Variants in IL12RB1 observed in about 807,000 individuals in gnomAD.
The protein encoded by IL12RB1 is interleukin-12 receptor subunit beta-1.
In IL12RB1, 64 loss-of-function variants were observed where a neutral mutation model predicts 94.4. The ratio of observed to expected loss-of-function variants is 0.68; its 90% CI spans 0.55 to 0.83. IL12RB1 has a LOEUF of 0.83. IL12RB1 is among the 40% of genes least tolerant of loss of function. IL12RB1 has a pLI of 0.00. For synonymous variants in IL12RB1, 362 were observed against 355.5 expected (o/e 1.02, Z -0.21); for missense variants, 814 against 855.6 (o/e 0.95, Z 0.61).
chr19:18,081,978 AC>A (rs149544311), intron 3 of IL12RB1, among the ~76,000 whole-genome samples, 171 bp downstream of exon 3: 209 of 152,106 alleles, frequency 1.4e-3, no homozygotes, highest in Non-Finnish European at 1.6e-3. Flanking sequence ...ACCTTCACTG[AC>A]CAACCCCCCA....
chr19:18,095,026 A>AAAGGGGCCACCTT (rs2036824342), intron 1 of IL12RB1, among the ~76,000 whole-genome samples: 1 of 152,070 alleles, frequency 6.6e-6, no homozygotes. Context: ...TAAAAATGCA[A>AAAGGGGCCACCTT]AAATTAGCTG....
At chr19:18,059,772 G>T in intron 16 of IL12RB1, 122 bp downstream of exon 16, 1 of 728,016 alleles carries the variant, frequency 1.4e-6, no homozygotes, top group South Asian at 1.5e-5. Context: ...AGACAAAGTG[G>T]ATGTTTTCGT....
At chr19:18,066,516 A>G (rs2034593522) in intron 12 of IL12RB1, 26 bp downstream of exon 12, 2 of 1,572,134 alleles carry the variant, frequency 1.3e-6, no homozygotes, top group Admixed American at 1.7e-5. Context: ...TTCCTCCCCA[A>G]GCCAGGTCTG....
At position 18,063,078 on chromosome 19, in the gene IL12RB1, ATTTTTTTTTTTTTTTTT is replaced by A. The variant is rs67262412; in HGVS notation, c.1618+781_1618+797del. On this transcript the variant is annotated intron_variant, in intron 13 of 16. Transcript: ENST00000593993. ...TCTTTCTTCTCCTTCTTCTTCTTCT[ATTTTTTTTTTTTTTTTT>A]TTTTTTTTTTTTTTTTTTGAGACAG... 6.2e-3 allele frequency among the ~76,000 whole-genome samples: 319 copies of A among 51,464 alleles called. 2 individuals carry two copies. The highest frequency in any genetic ancestry group is 0.015 in the South Asian group (15 of 1,006). The allele number at this position is 51,464 out of a possible 152,430, so 33.8% of individuals were successfully genotyped here.
chr19:18,075,598 T>C, intron 7 of IL12RB1, 151 bp downstream of exon 7: 2 of 729,006 alleles, frequency 2.7e-6, no homozygotes, highest in Non-Finnish European at 5.0e-6. Flanking sequence ...GGTCTCACTA[T>C]GTTGCCCGGG....
chr19:18,097,867 G>A, intron 1 of IL12RB1: 3 of 1,227,710 alleles, frequency 2.4e-6, no homozygotes, highest in Non-Finnish European at 2.0e-6. Context: ...AAGGCAGAGG[G>A]CGCGGCCAAG....
intron 9 of IL12RB1, chr19:18,070,474 C>T: frequency 1.0e-6 from 1 of 965,420 alleles, no homozygotes; most frequent in Non-Finnish European, 1.2e-6. Flanking sequence ...CGAGCACACA[C>T]CCACTCAGTC....
At chr19:18,059,646 G>T (rs762302036) in intron 16 of IL12RB1, 33 bp from the exon 17 acceptor site, 2 of 780,356 alleles carry the variant, frequency 2.6e-6, no homozygotes, top group African/African-American at 3.4e-5. Flanking sequence ...TTCCTTTCAG[G>T]GGGTGGTTGT....
intron 1 of IL12RB1, among the ~76,000 whole-genome samples, chr19:18,084,700 T>TCC (rs1568523032): frequency 3.3e-5 from 5 of 151,694 alleles, no homozygotes; most frequent in African/African-American, 9.7e-5. Context: ...CATCCATCCA[T>TCC]ACATACATAC....
chr19:18,098,357 G>A (rs1440229527), intron 1 of IL12RB1, among the ~76,000 whole-genome samples: 2 of 137,018 alleles, frequency 1.5e-5, no homozygotes, highest in Non-Finnish European at 3.3e-5. Flanking sequence ...TCCAGAGGTC[G>A]CCTAGCTGGG....
chr19:18,094,245 C>A (rs934947064), intron 1 of IL12RB1, among the ~76,000 whole-genome samples: 1 of 152,244 alleles, frequency 6.6e-6, no homozygotes, highest in Admixed American at 6.5e-5. Flanking sequence ...TCTCCTGCCT[C>A]AGCCCCCCGA....
intron 11 of IL12RB1, among the ~76,000 whole-genome samples, chr19:18,067,998 C>A (rs1314053539): frequency 7.1e-6 from 1 of 141,236 alleles, no homozygotes; most frequent in East Asian, 2.1e-4. Context: ...GCCATTCTGT[C>A]TGCCTTAACA....
chr19:18,069,425 C>T (rs2034842535), intron 10 of IL12RB1, 121 bp downstream of exon 10: 5 of 956,812 alleles, frequency 5.2e-6, no homozygotes, highest in South Asian at 1.7e-5. Context: ...ATTGAGTAAG[C>T]AGCAACACCT....
intron 7 of IL12RB1, among the ~76,000 whole-genome samples, chr19:18,073,949 CAAG>C (rs2035263173): frequency 6.6e-6 from 1 of 152,158 alleles, no homozygotes; most frequent in African/African-American, 2.4e-5. Flanking sequence ...CTCAGCCTTC[CAAG>C]TAGCTGGGAT....
In IL12RB1 at chr19:18,069,561, C is replaced by G; in HGVS notation, c.1174G>C (p.Asp392His). 6.2e-7 allele frequency: 1 copy of G among 1,609,840 alleles called. No homozygotes were observed. Among genetic ancestry groups the G allele is most frequent in the Non-Finnish European group, 8.5e-7 (1 of 1,179,654 alleles). ...AGGCCATTACCCATTCCAGCCGGAT[C>G]CGGGTCTTGCGGCGCAGTCAGGCTG... ...TCSLTAPQDP[D>H]PAGMATYSWS... Residue 392 changes from aspartate to histidine, a missense_variant, in exon 10 of 17, where the codon GAT becomes CAT. Asp to His is a moderately conservative substitution (Grantham distance 81). Transcript: ENST00000593993.
chr19:18,090,283 T>A (rs971864339), upstream of IL12RB1, among the ~76,000 whole-genome samples: 49 of 151,428 alleles, frequency 3.2e-4, no homozygotes, highest in African/African-American at 1.1e-3. Context: ...AGGTCGAGAC[T>A]GCAGTGAGCT....
upstream of IL12RB1, among the ~76,000 whole-genome samples, chr19:18,088,753 G>C (rs576749821): frequency 6.6e-6 from 1 of 152,064 alleles, no homozygotes; most frequent in East Asian, 1.9e-4. Flanking sequence ...TGCTGGGCTG[G>C]GTGCAGTGGT....
In IL12RB1 at chr19:18,081,010, G is replaced by A. The variant is rs1724713821; in HGVS notation, c.240-9C>T. 1.2e-6 allele frequency: 2 copies of A among 1,609,730 alleles called. No homozygotes were observed. Among genetic ancestry groups the A allele is most frequent in the Non-Finnish European group, 1.7e-6 (2 of 1,179,652 alleles). ...AGCGCCCGGAGCTAAGGCTGCAGCAGGAAGGAGGGTGTCAGTGCCGAGTCT... is the reference window on the plus strand; with the variant it reads ...AGCGCCCGGAGCTAAGGCTGCAGCAAGAAGGAGGGTGTCAGTGCCGAGTCT... On this transcript the variant is annotated splice_polypyrimidine_tract_variant and intron_variant, in intron 3 of 16. Coordinates refer to ENST00000593993, the MANE Select transcript of IL12RB1 (RefSeq NM_005535.3).
intron 10 of IL12RB1, among the ~76,000 whole-genome samples, chr19:18,069,106 G>A (rs1198644718): frequency 1.3e-5 from 2 of 152,120 alleles, no homozygotes; most frequent in East Asian, 3.9e-4. Context: ...TATTCTTCAA[G>A]GAACAGGCTG....
Sources: allele counts gnomAD v4.1 joint callset (sites outside exome capture counted in the v4.1 genomes callset), GRCh38; gene constraint gnomAD v4.1.1; transcripts MANE v1.5; gene names NCBI Gene and HGNC (gene_info 2026-07-23, HGNC 2026-07-21).